Variants in STMN4 observed in about 807,000 individuals in gnomAD.
The protein encoded by STMN4 is stathmin 4, also known as stathmin-4.
A neutral mutation model predicts 29.1 loss-of-function variants in STMN4; 12 were observed. The ratio of observed to expected loss-of-function variants is 0.41; its 90% CI spans 0.26 to 0.67. STMN4 has a LOEUF of 0.67. Ranked by LOEUF, STMN4 falls within the 30% of genes least tolerant of loss-of-function variation. The probability of loss-of-function intolerance (pLI) is 0.30; values close to 1 mark genes in which losing one functional copy is unlikely to be tolerated. For synonymous variants in STMN4, 114 were observed against 105.3 expected (o/e 1.08, Z -0.51); for missense variants, 181 against 262.8 (o/e 0.69, Z 2.15).
At chr8:27,238,198 C>CA (rs1343863944) in intron 6 of STMN4, among the ~76,000 whole-genome samples, 3 of 152,096 alleles carry the variant, frequency 2.0e-5, no homozygotes, top group African/African-American at 7.2e-5. Flanking sequence ...GGGAAGGTTC[C>CA]AAGTATCTGT....
chr8:27,249,525 G>T (rs1270438011), intron 1 of STMN4, among the ~76,000 whole-genome samples: 1 of 152,182 alleles, frequency 6.6e-6, no homozygotes, highest in African/African-American at 2.4e-5. Flanking sequence ...CTGAGGTCAC[G>T]CAGAGAACTC....
intron 1 of STMN4, among the ~76,000 whole-genome samples, chr8:27,245,802 G>T (rs2130102642): frequency 6.6e-6 from 1 of 152,318 alleles, no homozygotes; most frequent in African/African-American, 2.4e-5. Flanking sequence ...GGAGCAGGCA[G>T]TTGGAGTTAT....
intron 1 of STMN4, among the ~76,000 whole-genome samples, chr8:27,252,600 A>G (rs1801822510): frequency 6.6e-6 from 1 of 152,182 alleles, no homozygotes; most frequent in Admixed American, 6.5e-5. Flanking sequence ...CAGGGCATAC[A>G]TATTTTATCA....
chr8:27,246,397 T>A (rs1667691113), intron 1 of STMN4, among the ~76,000 whole-genome samples: 1 of 152,218 alleles, frequency 6.6e-6, no homozygotes, highest in South Asian at 2.1e-4. Flanking sequence ...ATTTTCGTAA[T>A]AGCCTCGTAA....
chr8:27,239,545 G>T lies in STMN4; in HGVS notation c.591+426C>A. Reference sequence around the variant, plus strand: ...GAGAATCATGTTTCCTGCTCAGTGGGAATCTCAGCTCATCATACCCGTGAC... The same window carrying T: ...GAGAATCATGTTTCCTGCTCAGTGGTAATCTCAGCTCATCATACCCGTGAC... On this transcript the variant is annotated intron_variant, in intron 6 of 6. Transcript: ENST00000350889. 2 of 742,684 alleles carry T rather than the reference G, an allele frequency of 2.7e-6. 1 individual carries two copies. The highest frequency in any genetic ancestry group is 4.0e-5 in the South Asian group (2 of 50,188). 46.0% of individuals were successfully genotyped at this position (742,684 alleles called of 1,614,324 possible).
At chr8:27,241,015 AT>A in intron 5 of STMN4, 38 bp downstream of exon 5, 3 of 1,580,740 alleles carry the variant, frequency 1.9e-6, no homozygotes, top group Non-Finnish European at 2.6e-6. Flanking sequence ...CCTCCCCTTT[AT>A]GCTGAGAGGG....
chr8:27,253,422 C>T (rs1411657886), intron 1 of STMN4, among the ~76,000 whole-genome samples: 3 of 152,114 alleles, frequency 2.0e-5, no homozygotes, highest in African/African-American at 4.8e-5. Flanking sequence ...AGCAACAAAC[C>T]TCTCTGTACA....
chr8:27,239,185 T>C, intron 6 of STMN4: 2 of 1,530,322 alleles, frequency 1.3e-6, no homozygotes, highest in Non-Finnish European at 1.7e-6. Flanking sequence ...CCTGAGACTC[T>C]AGGTGGATGG....
chr8:27,252,419 A>C (rs1002750091), intron 1 of STMN4, among the ~76,000 whole-genome samples: 1 of 152,188 alleles, frequency 6.6e-6, no homozygotes, highest in Non-Finnish European at 1.5e-5. Flanking sequence ...CAATGAACTC[A>C]AACAAATTTA....
At chr8:27,242,118 AC>A (rs1202072197) in intron 3 of STMN4, 7 of 559,194 alleles carry the variant, frequency 1.3e-5, no homozygotes, top group Admixed American at 3.1e-5. Context: ...ACCTTTGCAT[AC>A]CCCCCAGTCT....
chr8:27,248,219 A>G (rs1229595180), intron 1 of STMN4, among the ~76,000 whole-genome samples: 1 of 151,758 alleles, frequency 6.6e-6, no homozygotes, highest in Non-Finnish European at 1.5e-5. Flanking sequence ...AGAGGACTCT[A>G]TTTATTTATT....
intron 2 of STMN4, among the ~76,000 whole-genome samples, chr8:27,242,849 C>T (rs986786526): frequency 2.0e-5 from 3 of 152,076 alleles, no homozygotes; most frequent in East Asian, 1.9e-4. Context: ...CAGGACATTC[C>T]GATTCTTTTT....
rs557233698 is a variant in STMN4 at position 27,239,915 on chromosome 8, T to A, written c.591+56A>T. 1.2e-4 allele frequency: 200 copies of A among 1,613,708 alleles called. 4 individuals carry two copies. The South Asian group carries it at 2.1e-3, about 17-fold the overall frequency. On this transcript the variant is annotated intron_variant, in intron 6 of 6. Coordinates refer to ENST00000350889, the MANE Select transcript of STMN4 (RefSeq NM_030795.4). Reference sequence around the variant, plus strand: ...GATCAGCAGGTCCCCGCATACTTGCTGCAGAAGGAAAACAGCATGTCCCAG... The same window carrying A: ...GATCAGCAGGTCCCCGCATACTTGCAGCAGAAGGAAAACAGCATGTCCCAG...
At chr8:27,239,905 G>T (rs757763185) in intron 6 of STMN4, 66 bp downstream of exon 6, 1 of 1,611,770 alleles carries the variant, frequency 6.2e-7, no homozygotes, top group Non-Finnish European at 8.5e-7. Flanking sequence ...GCAGGTCCCC[G>T]CATACTTGCT....
At chr8:27,238,510 G>A (rs1801373685) in intron 6 of STMN4, among the ~76,000 whole-genome samples, 1 of 152,194 alleles carries the variant, frequency 6.6e-6, no homozygotes, top group Non-Finnish European at 1.5e-5. Flanking sequence ...CTCTGCCTCT[G>A]AATCTACCGA....
At chr8:27,237,887 G>A (rs1172659641) in intron 6 of STMN4, among the ~76,000 whole-genome samples, 1 of 152,088 alleles carries the variant, frequency 6.6e-6, no homozygotes, top group Non-Finnish European at 1.5e-5. Flanking sequence ...CTGTGGGTAG[G>A]GACCACATTA....
chr8:27,241,033 G>A, intron 5 of STMN4, 21 bp downstream of exon 5: 2 of 1,602,798 alleles, frequency 1.2e-6, no homozygotes, highest in Non-Finnish European at 1.7e-6. Context: ...AGGGAGGAAA[G>A]AAGGAAGGGT....
At chr8:27,239,365 G>A (rs1005644321) in intron 6 of STMN4, 41 of 1,448,686 alleles carry the variant, frequency 2.8e-5, no homozygotes, top group Non-Finnish European at 3.5e-5. Flanking sequence ...TGAGGCCAGC[G>A]TGTTCTCAGC....
At chr8:27,245,046 G>A (rs1801587452) in intron 1 of STMN4, among the ~76,000 whole-genome samples, 1 of 152,234 alleles carries the variant, frequency 6.6e-6, no homozygotes, top group Non-Finnish European at 1.5e-5. Context: ...GGCAGGAGGA[G>A]GTAATGGGGC....
Sources: allele counts gnomAD v4.1 joint callset (sites outside exome capture counted in the v4.1 genomes callset), GRCh38; gene constraint gnomAD v4.1.1; transcripts MANE v1.5; gene names NCBI Gene and HGNC (gene_info 2026-07-23, HGNC 2026-07-21).